The following TOX2 variants were observed in gnomAD, a reference collection of about 807,000 sequenced individuals.
The protein encoded by TOX2 is granulosa cell HMG box 1.
A neutral mutation model predicts 47.4 loss-of-function variants in TOX2; 15 were observed. That is an observed-to-expected ratio of 0.32 (90% CI 0.21 to 0.49). TOX2 has a LOEUF of 0.49. Ranked by LOEUF, TOX2 falls within the 20% of genes least tolerant of loss-of-function variation. TOX2 has a pLI of 0.99. For missense variants in TOX2, 622 were observed against 673.1 expected (o/e 0.92, Z 0.84); for synonymous variants, 290 against 296.6 (o/e 0.98, Z 0.23).
At chr20:44,024,550 T>C (rs1304769583) in intron 3 of TOX2, among the ~76,000 whole-genome samples, 1 of 152,178 alleles carries the variant, frequency 6.6e-6, no homozygotes, top group African/African-American at 2.4e-5. Flanking sequence ...TGGCTGCATC[T>C]ATAAATTTTG....
At chr20:44,027,616 A>G (rs142295201) in intron 3 of TOX2, among the ~76,000 whole-genome samples, 2,139 of 152,316 alleles carry the variant, frequency 0.014, 19 homozygotes, top group Middle Eastern at 0.054. Flanking sequence ...GAGATCCTTA[A>G]TTGAGGAGGC....
At chr20:43,983,231 A>C (rs1218383520) in intron 2 of TOX2, among the ~76,000 whole-genome samples, 6 of 152,094 alleles carry the variant, frequency 3.9e-5, no homozygotes, top group Non-Finnish European at 8.8e-5. Context: ...ATGCTACAGA[A>C]TGAGGCTTCT....
At chr20:44,017,817 T>C (rs534684088) in intron 3 of TOX2, among the ~76,000 whole-genome samples, 111 of 152,238 alleles carry the variant, frequency 7.3e-4, no homozygotes, top group African/African-American at 2.6e-3. Context: ...TACACAGTTA[T>C]CAAAATGATG....
intron 2 of TOX2, among the ~76,000 whole-genome samples, chr20:43,999,562 A>G (rs1481316688): frequency 6.6e-6 from 1 of 152,246 alleles, no homozygotes; most frequent in Non-Finnish European, 1.5e-5. Context: ...ACTACACAAC[A>G]TTGTCAAAAG....
intron 2 of TOX2, among the ~76,000 whole-genome samples, chr20:43,987,338 G>A (rs1026553262): frequency 1.1e-4 from 16 of 152,204 alleles, no homozygotes; most frequent in East Asian, 1.9e-4. Context: ...AATGGAGATA[G>A]AATGTGAATT....
chr20:44,056,088 C>CCTG (rs1441604106), intron 5 of TOX2, among the ~76,000 whole-genome samples: 1 of 152,110 alleles, frequency 6.6e-6, no homozygotes, highest in Non-Finnish European at 1.5e-5. Context: ...AACTCAGGAG[C>CCTG]CTGCTTAGAA....
intron 5 of TOX2, 83 bp from the exon 6 acceptor site, chr20:44,064,694 C>T: frequency 7.6e-7 from 1 of 1,323,124 alleles, no homozygotes. Context: ...ATCCTTGAAT[C>T]CATGCCTTCC....
chr20:43,981,752 TG>T (rs2070172553), intron 2 of TOX2, among the ~76,000 whole-genome samples: 1 of 152,200 alleles, frequency 6.6e-6, no homozygotes, highest in Non-Finnish European at 1.5e-5. Flanking sequence ...GAAGTGACTC[TG>T]GGCTTCAGTA....
At chr20:44,032,788 C>T (rs976329872) in intron 3 of TOX2, among the ~76,000 whole-genome samples, 18 of 152,174 alleles carry the variant, frequency 1.2e-4, no homozygotes, top group African/African-American at 3.9e-4. Context: ...CTTGGTGACC[C>T]GTATTTGCAA....
At chr20:43,923,306 G>T (rs749936372) in intron 1 of TOX2, among the ~76,000 whole-genome samples, 1 of 151,554 alleles carries the variant, frequency 6.6e-6, no homozygotes, top group Non-Finnish European at 1.5e-5. Flanking sequence ...CATCCTCAAC[G>T]ACTGTCTCTT....
At position 44,056,491 on chromosome 20, in the gene TOX2, G is replaced by A. The variant is rs1050061549; in HGVS notation, c.879+1965G>A. Among the ~76,000 whole-genome samples, 11 of 152,046 alleles carry A rather than the reference G, an allele frequency of 7.2e-5. No homozygotes were observed. The East Asian group carries it at 1.2e-3, about 16-fold the overall frequency. ...CAGTGGTCTCAAGTCCTATGTCCCC[G>A]GGCACTCCCTCCACCGATGCTTTCT... On this transcript the variant is annotated intron_variant, in intron 5 of 8. Transcript: ENST00000341197.
At chr20:43,948,884 G>C (rs899238089) in intron 1 of TOX2, among the ~76,000 whole-genome samples, 3 of 152,200 alleles carry the variant, frequency 2.0e-5, no homozygotes, top group African/African-American at 7.2e-5. Context: ...GGGTGGACCT[G>C]GATTTTTAGC....
intron 1 of TOX2, among the ~76,000 whole-genome samples, chr20:43,952,191 G>A (rs908761548): frequency 3.3e-5 from 5 of 152,206 alleles, no homozygotes; most frequent in African/African-American, 7.2e-5. Flanking sequence ...GTGAGCCACT[G>A]CGCCCAGCAG....
intron 3 of TOX2, among the ~76,000 whole-genome samples, chr20:44,029,798 G>A (rs2145682813): frequency 6.6e-6 from 1 of 152,240 alleles, no homozygotes; most frequent in South Asian, 2.1e-4. Context: ...CATTGACTCT[G>A]GCTGTCTATA....
At chr20:44,044,948 G>A (rs2071390975) in intron 3 of TOX2, among the ~76,000 whole-genome samples, 2 of 152,180 alleles carry the variant, frequency 1.3e-5, no homozygotes, top group Non-Finnish European at 2.9e-5. Flanking sequence ...AGGGAAGAAA[G>A]TTCTGATTCA....
intron 1 of TOX2, among the ~76,000 whole-genome samples, chr20:43,923,514 G>A (rs957362384): frequency 3.3e-5 from 5 of 152,122 alleles, no homozygotes; most frequent in East Asian, 3.9e-4. Flanking sequence ...CTAGCAAGTC[G>A]ATGGTGCTGA....
At chr20:44,054,178 G>C (rs563200303) in intron 4 of TOX2, 121 bp from the exon 5 acceptor site, 1 of 1,017,690 alleles carries the variant, frequency 9.8e-7, no homozygotes, top group East Asian at 2.6e-5. Context: ...TCCATCGCGC[G>C]AGTGGTTATC....
intron 5 of TOX2, among the ~76,000 whole-genome samples, chr20:44,057,081 AT>A (rs1470935108): frequency 6.6e-6 from 1 of 151,446 alleles, no homozygotes; most frequent in Admixed American, 6.6e-5. Context: ...GCCCCACAAA[AT>A]TTTTTCTTTT....
chr20:43,976,782 G>GCACATA (rs1555835312), intron 2 of TOX2, among the ~76,000 whole-genome samples: 9 of 146,434 alleles, frequency 6.1e-5, no homozygotes, highest in African/African-American at 1.8e-4. Flanking sequence ...GAGCGCGCGC[G>GCACATA]CACACACACA....
Sources: gnomAD v4.1 joint callset for allele counts (sites outside exome capture counted in the v4.1 genomes callset) on GRCh38, gnomAD v4.1.1 for gene constraint, MANE v1.5 for transcripts, NCBI Gene and HGNC (gene_info 2026-07-23, HGNC 2026-07-21) for gene names.